UBR1: variants seen among roughly 807,000 people sequenced by gnomAD.
The protein encoded by UBR1 is ubiquitin protein ligase E3 component n-recognin 1, also known as E3 ubiquitin-protein ligase UBR1.
UBR1 carries 102 observed loss-of-function variants against 242.1 expected under a neutral mutation model. The observed-to-expected ratio is 0.42, with a 90% CI of 0.36 to 0.50. The LOEUF is 0.50. Among genes scored for constraint, UBR1 ranks in the 20% least tolerant of loss-of-function variants. UBR1 has a pLI of 0.01. For synonymous variants in UBR1, 675 were observed against 684.8 expected (o/e 0.99, Z 0.22); for missense variants, 1,772 against 2,101.8 (o/e 0.84, Z 3.07).
At chr15:43,033,215 T>G (rs2033280353) in intron 19 of UBR1, among the ~76,000 whole-genome samples, 1 of 152,050 alleles carries the variant, frequency 6.6e-6, no homozygotes, top group Non-Finnish European at 1.5e-5. Flanking sequence ...AAATTTGATT[T>G]AGAAATTTTA....
intron 20 of UBR1, 101 bp downstream of exon 20, chr15:43,032,467 G>C: frequency 1.3e-6 from 1 of 767,396 alleles, no homozygotes; most frequent in Non-Finnish European, 2.2e-6. Context: ...TCTAAATGCA[G>C]TATACGAATA....
At chr15:43,025,263 T>C (rs1317103063) in intron 24 of UBR1, 118 bp downstream of exon 24, 10 of 1,005,978 alleles carry the variant, frequency 9.9e-6, no homozygotes, top group Non-Finnish European at 1.5e-5. Flanking sequence ...AAAAGCTCTT[T>C]GCACTTCCTT....
At chr15:43,094,321 C>T (rs1217546652) in intron 1 of UBR1, among the ~76,000 whole-genome samples, 4 of 151,648 alleles carry the variant, frequency 2.6e-5, no homozygotes, top group African/African-American at 4.8e-5. Flanking sequence ...AGTCCCAGCT[C>T]GGGAGGCTGA....
At chr15:42,967,010 C>T (rs1054758468) in intron 40 of UBR1, among the ~76,000 whole-genome samples, 1 of 151,988 alleles carries the variant, frequency 6.6e-6, no homozygotes, top group Non-Finnish European at 1.5e-5. Flanking sequence ...ACCTCTGCTT[C>T]CCAGGTTCAA....
intron 12 of UBR1, among the ~76,000 whole-genome samples, chr15:43,053,391 TAG>T (rs548657140): frequency 1.3e-5 from 2 of 152,150 alleles, no homozygotes; most frequent in African/African-American, 2.4e-5. Flanking sequence ...ATAGCCATGG[TAG>T]AGAGATTTTT....
intron 22 of UBR1, among the ~76,000 whole-genome samples, 157 bp downstream of exon 22, chr15:43,027,619 T>C (rs1264934017): frequency 2.0e-5 from 3 of 152,170 alleles, no homozygotes; most frequent in East Asian, 1.9e-4. Flanking sequence ...GTGCTAAGTG[T>C]CTACTGTGAG....
At chr15:42,971,118 A>T (rs1486883244) in intron 39 of UBR1, among the ~76,000 whole-genome samples, 1 of 152,222 alleles carries the variant, frequency 6.6e-6, no homozygotes, top group East Asian at 1.9e-4. Flanking sequence ...ATCACTAAAC[A>T]TGGATGTTTA....
In UBR1 at chr15:42,952,258, C is replaced by T. The variant is rs977638401; in HGVS notation, c.5006+20G>A. 6.2e-7 allele frequency: 1 copy of T among 1,614,136 alleles called. No individual in the cohort carries two copies. Among genetic ancestry groups the T allele is most frequent in the Admixed American group, 1.7e-5 (1 of 60,020 alleles). On this transcript the variant is annotated intron_variant, in intron 45 of 46. Coordinates refer to ENST00000290650, the MANE Select transcript of UBR1 (RefSeq NM_174916.3). ...ATTCCTTAAGTTCATCATGAAGCTT[C>T]CAGAACACTCACTACTCACTTTAGG...
intron 27 of UBR1, among the ~76,000 whole-genome samples, chr15:43,020,748 C>T (rs953330617): frequency 6.6e-6 from 1 of 152,172 alleles, no homozygotes; most frequent in African/African-American, 2.4e-5. Flanking sequence ...CCATACTGAC[C>T]TTCTTTCTGG....
chr15:42,993,519 C>A (rs1340779033), intron 33 of UBR1, among the ~76,000 whole-genome samples: 1 of 152,030 alleles, frequency 6.6e-6, no homozygotes, highest in South Asian at 2.1e-4. Flanking sequence ...AGGCGCGGGC[C>A]ACCAAGCCTG....
Position 43,105,124 on chromosome 15 carries a change from T to A in UBR1, c.81+818A>T, listed in dbSNP as rs141817180. Among the ~76,000 whole-genome samples, 75 of 152,310 alleles carry A rather than the reference T, an allele frequency of 4.9e-4. No individual in the cohort carries two copies. In the East Asian group the frequency reaches 0.014, roughly 29 times the overall value. On this transcript the variant is annotated intron_variant, in intron 1 of 46. Coordinates refer to ENST00000290650, the MANE Select transcript of UBR1 (RefSeq NM_174916.3). Reference sequence around the variant, plus strand: ...TATCCCAAATCTCTAAATGCTGCTATTTAGAAAGACAAACTAATAAAACAT... The same window carrying A: ...TATCCCAAATCTCTAAATGCTGCTAATTAGAAAGACAAACTAATAAAACAT...
At chr15:43,036,410 A>C in intron 18 of UBR1, 118 bp downstream of exon 18, 1 of 1,191,064 alleles carries the variant, frequency 8.4e-7, no homozygotes. Context: ...TATGAGTCAT[A>C]ATCAGTTTAA....
At chr15:43,034,189 T>C (rs779648991) in intron 19 of UBR1, among the ~76,000 whole-genome samples, 61 of 151,796 alleles carry the variant, frequency 4.0e-4, no homozygotes, top group Admixed American at 2.3e-3. Context: ...AGTGAGCCGA[T>C]TGTGCCACTG....
chr15:42,996,268 T>C (rs1455147422), intron 33 of UBR1, among the ~76,000 whole-genome samples: 5 of 152,210 alleles, frequency 3.3e-5, no homozygotes, highest in East Asian at 3.9e-4. Flanking sequence ...CATGCACACA[T>C]ATGAGGTCAA....
intron 3 of UBR1, among the ~76,000 whole-genome samples, chr15:43,080,311 T>C (rs760709314): frequency 5.9e-5 from 9 of 152,226 alleles, no homozygotes; most frequent in African/African-American, 2.2e-4. Flanking sequence ...TTTGAAGCCA[T>C]ATAAAAATAG....
At chr15:43,059,004 A>G in intron 9 of UBR1, 81 bp downstream of exon 9, 1 of 1,093,220 alleles carries the variant, frequency 9.1e-7, no homozygotes, top group South Asian at 1.3e-5. Context: ...AATTTAATAA[A>G]CAAAAGATAT....
intron 8 of UBR1, 70 bp from the exon 9 acceptor site, chr15:43,059,262 A>C: frequency 2.1e-6 from 3 of 1,397,556 alleles, no homozygotes; most frequent in South Asian, 1.2e-5. Flanking sequence ...GATGAGTCTC[A>C]CTCTGTTGCC....
intron 14 of UBR1, among the ~76,000 whole-genome samples, chr15:43,044,752 G>A (rs536426643): frequency 6.6e-6 from 1 of 151,982 alleles, no homozygotes; most frequent in East Asian, 1.9e-4. Context: ...CAAATTAGCC[G>A]GGTGTGGTGG....
intron 14 of UBR1, among the ~76,000 whole-genome samples, chr15:43,043,935 A>T (rs2033451700): frequency 1.3e-5 from 2 of 152,122 alleles, no homozygotes; most frequent in South Asian, 2.1e-4. Context: ...AGAGGGGGGA[A>T]AAAAAAGAAT....
Sources: gnomAD v4.1 joint callset for allele counts (sites outside exome capture counted in the v4.1 genomes callset) on GRCh38, gnomAD v4.1.1 for gene constraint, MANE v1.5 for transcripts, NCBI Gene and HGNC (gene_info 2026-07-23, HGNC 2026-07-21) for gene names.